The following TUSC3 variants were observed in gnomAD, a reference collection of about 807,000 sequenced individuals.
TUSC3 encodes dolichyl-diphosphooligosaccharide--protein glycosyltransferase subunit TUSC3.
A neutral mutation model predicts 44.8 loss-of-function variants in TUSC3; 45 were observed. The observed-to-expected ratio is 1.00, with a 90% CI of 0.79 to 1.29. The LOEUF is 1.29. Among genes scored for constraint, TUSC3 ranks in the 50% most tolerant of loss-of-function variants. The probability of loss-of-function intolerance (pLI) is 0.00; values close to 1 mark genes in which losing one functional copy is unlikely to be tolerated. For missense variants in TUSC3, 519 were observed against 437.9 expected, an observed-to-expected ratio of 1.19 and a Z score of -1.65; for synonymous variants, 212 against 152.9, an observed-to-expected ratio of 1.39 and a Z score of -2.85.
chr8:15,649,589 A>G (rs564217114), intron 2 of TUSC3, among the ~76,000 whole-genome samples: 886 of 57,838 alleles, frequency 0.015, 9 homozygotes, highest in African/African-American at 0.049. Flanking sequence ...GTCTCAAAAG[A>G]AAAAAAAAAA....
intron 2 of TUSC3, among the ~76,000 whole-genome samples, chr8:15,499,520 T>C (rs962446689): frequency 1.3e-5 from 2 of 152,228 alleles, no homozygotes; most frequent in African/African-American, 4.8e-5. Context: ...TTCATGTCAA[T>C]GGACTTATAA....
At chr8:15,673,283 G>A (rs535154706) in intron 5 of TUSC3, among the ~76,000 whole-genome samples, 1 of 152,116 alleles carries the variant, frequency 6.6e-6, no homozygotes, top group South Asian at 2.1e-4. Context: ...AAAGTATTTA[G>A]GTACTTACGG....
intron 7 of TUSC3, among the ~76,000 whole-genome samples, chr8:15,740,291 G>C (rs1377523935): frequency 6.6e-6 from 1 of 152,084 alleles, no homozygotes; most frequent in Non-Finnish European, 1.5e-5. Flanking sequence ...TAGAAACCTA[G>C]AAGGAGGATT....
intron 1 of TUSC3, among the ~76,000 whole-genome samples, chr8:15,588,491 T>G (rs77724425): frequency 0.014 from 2,080 of 152,326 alleles, 26 homozygotes; most frequent in Non-Finnish European, 0.024. Context: ...TGCAAGTATT[T>G]TCTCCCATTC....
At chr8:15,694,067 G>A (rs1480547365) in intron 6 of TUSC3, among the ~76,000 whole-genome samples, 1 of 151,928 alleles carries the variant, frequency 6.6e-6, no homozygotes, top group Non-Finnish European at 1.5e-5. Flanking sequence ...TCCTTGCACT[G>A]GGTTTCAACT....
chr8:15,462,843 C>T (rs956683568), intron 1 of TUSC3, among the ~76,000 whole-genome samples: 2 of 152,002 alleles, frequency 1.3e-5, no homozygotes, highest in Admixed American at 6.6e-5. Flanking sequence ...TTCTGAGCCA[C>T]CAATTCCCTT....
chr8:15,680,528 C>G (rs1372431437), intron 6 of TUSC3, among the ~76,000 whole-genome samples: 3 of 152,092 alleles, frequency 2.0e-5, no homozygotes, highest in South Asian at 2.1e-4. Flanking sequence ...ATCATATAGT[C>G]TGCAAAGAGA....
intron 8 of TUSC3, 52 bp downstream of exon 8, chr8:15,743,664 T>C (rs1446538571): frequency 1.3e-6 from 2 of 1,577,946 alleles, no homozygotes; most frequent in Non-Finnish European, 1.7e-6. Flanking sequence ...TTAAGATTCA[T>C]TTAAGTCAAA....
At chr8:15,659,706 A>G in intron 4 of TUSC3, 59 bp downstream of exon 4, 7 of 1,597,406 alleles carry the variant, frequency 4.4e-6, no homozygotes, top group Non-Finnish European at 6.0e-6. Context: ...TTTATGGAGC[A>G]TTTTAATAAG....
intron 6 of TUSC3, among the ~76,000 whole-genome samples, chr8:15,714,960 C>T (rs1810001438): frequency 1.3e-5 from 2 of 152,100 alleles, no homozygotes; most frequent in Admixed American, 1.3e-4. Context: ...ATCTATGATA[C>T]AACGGTAACA....
chr8:15,602,666 ATG>A (rs60206119), intron 1 of TUSC3, among the ~76,000 whole-genome samples: 12,395 of 145,856 alleles, frequency 0.085, 618 homozygotes, highest in Admixed American at 0.15. Context: ...AAATATTTAT[ATG>A]TGTGTGTGTG....
At chr8:15,776,682 C>G in the TUSC3 span, among the ~76,000 whole-genome samples, 8 of 152,158 alleles carry the variant, frequency 5.3e-5, no homozygotes, top group Non-Finnish European at 8.8e-5. Context: ...CATCCCTATA[C>G]TCAATAATTG....
chr8:15,830,656 A>G, the TUSC3 span, among the ~76,000 whole-genome samples: 9 of 152,210 alleles, frequency 5.9e-5, no homozygotes, highest in Non-Finnish European at 1.0e-4. Flanking sequence ...AATAACTTAA[A>G]AACAGAAAAT....
intron 3 of TUSC3, chr8:15,651,126 A>T (rs1257926169): frequency 6.2e-6 from 2 of 324,976 alleles, no homozygotes; most frequent in South Asian, 6.3e-5. Flanking sequence ...ATCATTGTAC[A>T]GGTTTTTGCC....
intron 1 of TUSC3, among the ~76,000 whole-genome samples, chr8:15,434,426 T>C: frequency 6.6e-6 from 1 of 151,918 alleles, no homozygotes; most frequent in East Asian, 1.9e-4. Context: ...GTGACTTTTC[T>C]TTTTTTTAGT....
At chr8:15,778,850 A>T in the TUSC3 span, among the ~76,000 whole-genome samples, 2 of 152,228 alleles carry the variant, frequency 1.3e-5, no homozygotes, top group African/African-American at 4.8e-5. Context: ...CAAATCATTC[A>T]GACTTGAGTT....
chr8:15,505,339 ATG>A (rs1801038153), intron 2 of TUSC3, among the ~76,000 whole-genome samples: 1 of 152,210 alleles, frequency 6.6e-6, no homozygotes, highest in East Asian at 1.9e-4. Context: ...CAGACTTTTC[ATG>A]TGTTATAATG....
rs147388767 is a variant in TUSC3, at chr8:15,617,019, T to G, written c.139-6061T>G. ...AGATTTCCGGCTAGCGAAGTGGCTT[T>G]GAAAGAATCCTGTGTAATCAGCAGA... On this transcript the variant is annotated intron_variant, in intron 1 of 10. Coordinates refer to ENST00000503731, the MANE Select transcript of TUSC3 (RefSeq NM_006765.4). Among the ~76,000 whole-genome samples, 802 of 152,186 alleles carry G rather than the reference T, an allele frequency of 5.3e-3. 2 individuals carry two copies. The highest frequency in any genetic ancestry group is 0.017 in the African/African-American group (724 of 41,520).
At chr8:15,813,030 G>A in the TUSC3 span, among the ~76,000 whole-genome samples, 189 of 152,204 alleles carry the variant, frequency 1.2e-3, 2 homozygotes, top group African/African-American at 4.3e-3. Flanking sequence ...GGAAGCAGAG[G>A]ATGCAGTGAG....
Sources: allele counts gnomAD v4.1 joint callset (sites outside exome capture counted in the v4.1 genomes callset), GRCh38; gene constraint gnomAD v4.1.1; transcripts MANE v1.5; gene names NCBI Gene and HGNC (gene_info 2026-07-23, HGNC 2026-07-21).